Variants in PARD3B observed in about 807,000 individuals in gnomAD.
PARD3B encodes par-3 family cell polarity regulator beta.
In PARD3B, 103 loss-of-function variants were observed where a neutral mutation model predicts 130.2. The observed-to-expected ratio is 0.79, with a 90% confidence interval of 0.67 to 0.93. PARD3B has a LOEUF of 0.93. PARD3B is among the 40% of genes least tolerant of loss of function. PARD3B has a pLI of 0.00. For missense variants in PARD3B, 1,609 were observed against 1,499.2 expected, an observed-to-expected ratio of 1.07 and a Z score of -1.21; for synonymous variants, 583 against 553.2, an observed-to-expected ratio of 1.05 and a Z score of -0.76.
At chr2:205,605,096 A>G (rs187585472) in intron 22 of PARD3B, among the ~76,000 whole-genome samples, 1 of 152,322 alleles carries the variant, frequency 6.6e-6, no homozygotes, top group Non-Finnish European at 1.5e-5. Flanking sequence ...TATTCTGGTT[A>G]ACAGCTCTTG....
rs2034365277 is a variant in PARD3B, at chr2:204,623,219, A to G, written c.121-62962A>G. Among the ~76,000 whole-genome samples the G allele has an allele frequency of 6.6e-6, 1 of 152,172 alleles. No individual in the cohort carries two copies. The highest frequency in any genetic ancestry group is 6.6e-5 in the Admixed American group (1 of 15,252). ...GGGAGGTCCCACATACTATTCACCC[A>G]GTTTCTTTCACTGGTTGAGTGTTAA... On this transcript the variant is annotated intron_variant, in intron 1 of 22. Coordinates refer to ENST00000406610, the MANE Select transcript of PARD3B (RefSeq NM_001302769.2). This position sits in a 1 kb window ranked among gnomAD's most constrained non-coding sequence, Gnocchi z 4.5.
rs868236933 is a variant in PARD3B at position 204,546,012 on chromosome 2, G to T, written c.13G>T (p.Val5Leu). The change falls in exon 1 of 23, where the codon GTG becomes TTG. Residue 5 changes from valine (V) to leucine (L), a missense_variant. Coordinates refer to ENST00000406610, the MANE Select transcript of PARD3B (RefSeq NM_001302769.2). Reference sequence around the variant, plus strand: ...GCCGGGGGCCAGGATGAAAGTGACCGTGTGCTTCGGCAGGACGGGCATCGT... The same window carrying T: ...GCCGGGGGCCAGGATGAAAGTGACCTTGTGCTTCGGCAGGACGGGCATCGT... MKVT[V>L]CFGRTGIVVP... 2 of 1,567,934 alleles carry T rather than the reference G, an allele frequency of 1.3e-6. No individual in the cohort carries two copies. The highest frequency in any genetic ancestry group is 1.8e-5 in the Admixed American group (1 of 55,450).
chr2:205,322,260 G>C (rs2042777773), intron 18 of PARD3B, among the ~76,000 whole-genome samples: 1 of 152,224 alleles, frequency 6.6e-6, no homozygotes, highest in African/African-American at 2.4e-5. Context: ...TAGTCAGGAA[G>C]AGTGGTCTGG....
At chr2:205,184,899 A>T (rs1001877634) in intron 13 of PARD3B, among the ~76,000 whole-genome samples, 1 of 152,294 alleles carries the variant, frequency 6.6e-6, no homozygotes, top group Non-Finnish European at 1.5e-5. Flanking sequence ...TGCCAAGTTC[A>T]CACAGCAGTA....
chr2:205,063,060 G>A (rs992093080), intron 4 of PARD3B, among the ~76,000 whole-genome samples: 2 of 151,868 alleles, frequency 1.3e-5, no homozygotes, highest in African/African-American at 4.8e-5. Context: ...TCTGGTCAGT[G>A]TTTTCTTAGC....
At chr2:205,117,916 T>TACACACACACACACATAC (rs1553617410) in intron 6 of PARD3B, among the ~76,000 whole-genome samples, 1 of 20,376 alleles carries the variant, frequency 4.9e-5, no homozygotes, top group African/African-American at 7.6e-5. Flanking sequence ...TGTATGTGTG[T>TACACACACACACACATAC]ACACACACAC....
chr2:204,713,737 AC>A lies in PARD3B; in HGVS notation c.222+27461del, dbSNP rs922991403. On this transcript the variant is annotated intron_variant, in intron 2 of 22. Transcript: ENST00000406610. ...GTTGTAGCATGTGCCAGGATTCTCC[AC>A]CCCCCTTTATATAAGGCTGAATAAT... is the stretch of plus-strand genomic sequence containing the variant. Among the ~76,000 whole-genome samples, 8 of 151,878 alleles carry A rather than the reference AC, an allele frequency of 5.3e-5. No individual in the cohort carries two copies. The South Asian group carries it at 8.3e-4, about 16-fold the overall frequency.
At position 205,619,013 on chromosome 2, in the gene PARD3B, C is replaced by T. The variant is rs2055519306; in HGVS notation, c.*3200C>T. ...CCACAGGATGGCACCAAGTAAAGAT[C>T]TTAAGAGCATAGTAGGGGTTCTGAG... On this transcript the variant is annotated 3_prime_UTR_variant, in exon 23 of 23. Coordinates refer to ENST00000406610, the MANE Select transcript of PARD3B (RefSeq NM_001302769.2). 1 of 152,172 alleles carries T rather than the reference C, an allele frequency of 6.6e-6. No homozygotes were observed. Among genetic ancestry groups the T allele is most frequent in the Non-Finnish European group, 1.5e-5 (1 of 68,044 alleles). 9.4% of individuals were successfully genotyped at this position (152,172 alleles called of 1,614,324 possible).
At chr2:204,867,429 A>C (rs944216475) in intron 2 of PARD3B, among the ~76,000 whole-genome samples, 1 of 152,222 alleles carries the variant, frequency 6.6e-6, no homozygotes, top group African/African-American at 2.4e-5. Flanking sequence ...GGTTGGAATG[A>C]ATTTCCTCTC....
At chr2:204,835,908 A>G (rs913051277) in intron 2 of PARD3B, among the ~76,000 whole-genome samples, 3 of 152,212 alleles carry the variant, frequency 2.0e-5, no homozygotes, top group Admixed American at 2.0e-4. Context: ...CGTGTTCTGT[A>G]TGTTAGGTAT....
chr2:205,454,391 C>T (rs1324347549), intron 20 of PARD3B, among the ~76,000 whole-genome samples: 1 of 151,976 alleles, frequency 6.6e-6, no homozygotes, highest in Non-Finnish European at 1.5e-5. Context: ...GAAAAAGGGC[C>T]GGAAAAGATA....
chr2:205,564,666 C>A lies in PARD3B; in HGVS notation c.3260+11263C>A, dbSNP rs541034717. ...GCTGCTTCAAGTCCAGAGAAGAGAG[C>A]TTTGGCAGTCAGTTACTATGGTGGT... is the stretch of plus-strand genomic sequence containing the variant. On this transcript the variant is annotated intron_variant, in intron 22 of 22. Coordinates refer to ENST00000406610, the MANE Select transcript of PARD3B (RefSeq NM_001302769.2). This position sits in a 1 kb window ranked among gnomAD's most constrained non-coding sequence, Gnocchi z 4.6. 6.6e-6 allele frequency among the ~76,000 whole-genome samples: 1 copy of A among 152,164 alleles called. No homozygotes were observed. Among genetic ancestry groups the A allele is most frequent in the Non-Finnish European group, 1.5e-5 (1 of 68,036 alleles).
At chr2:204,558,853 A>G (rs1002362503) in intron 1 of PARD3B, among the ~76,000 whole-genome samples, 4 of 152,178 alleles carry the variant, frequency 2.6e-5, no homozygotes, top group African/African-American at 9.7e-5. Flanking sequence ...GATATAGACC[A>G]ATGGAACGGA....
intron 2 of PARD3B, among the ~76,000 whole-genome samples, chr2:204,927,743 G>T (rs1559267521): frequency 6.6e-6 from 1 of 152,066 alleles, no homozygotes; most frequent in South Asian, 2.1e-4. Context: ...CATTACTTGT[G>T]CTCCTTAATA....
At chr2:204,556,504 A>C (rs747088486) in intron 1 of PARD3B, among the ~76,000 whole-genome samples, 9 of 152,340 alleles carry the variant, frequency 5.9e-5, no homozygotes, top group South Asian at 4.1e-4. Flanking sequence ...AAGAGAAGAC[A>C]CTAAAGCCGT....
chr2:205,294,284 A>G (rs1267925593), intron 16 of PARD3B, among the ~76,000 whole-genome samples: 1 of 152,154 alleles, frequency 6.6e-6, no homozygotes, highest in Non-Finnish European at 1.5e-5. Context: ...ATCTTTAGAA[A>G]TAGTTTAACC....
chr2:205,558,292 G>C lies in PARD3B; in HGVS notation c.3260+4889G>C, dbSNP rs2052983093. On this transcript the variant is annotated intron_variant, in intron 22 of 22. Coordinates refer to ENST00000406610, the MANE Select transcript of PARD3B (RefSeq NM_001302769.2). This position sits in a 1 kb window ranked among gnomAD's most constrained non-coding sequence, Gnocchi z 4.8. ...CGAGTTAACCAGGAAGGTGGAGCAT[G>C]ATGCTCTAGCTCCCAGGGCAGACAT... Among the ~76,000 whole-genome samples, 1 of 152,152 alleles carries C rather than the reference G, an allele frequency of 6.6e-6. No homozygotes were observed. Among genetic ancestry groups the C allele is most frequent in the African/African-American group, 2.4e-5 (1 of 41,426 alleles).
chr2:204,859,986 G>A (rs2045117241), intron 2 of PARD3B, among the ~76,000 whole-genome samples: 1 of 152,148 alleles, frequency 6.6e-6, no homozygotes, highest in Admixed American at 6.5e-5. Context: ...GTATTATACT[G>A]TTAATAACAT....
intron 15 of PARD3B, among the ~76,000 whole-genome samples, chr2:205,239,810 C>T (rs189274128): frequency 4.0e-3 from 605 of 152,274 alleles, no homozygotes; most frequent in African/African-American, 0.012. Flanking sequence ...TTAGCTCACT[C>T]TCAGAGCTGC....
Sources: gnomAD v4.1 joint callset for allele counts (sites outside exome capture counted in the v4.1 genomes callset) on GRCh38, gnomAD v4.1.1 for gene constraint, Gnocchi (gnomAD v3.1) non-coding constraint, MANE v1.5 for transcripts, NCBI Gene and HGNC (gene_info 2026-07-23, HGNC 2026-07-21) for gene names.